ACACA: variants seen among roughly 807,000 people sequenced by gnomAD.
ACACA encodes acetyl-CoA carboxylase 1.
In ACACA, 103 loss-of-function variants were observed where a neutral mutation model predicts 296.1. The ratio of observed to expected loss-of-function variants is 0.35; its 90% CI spans 0.30 to 0.41. The LOEUF (loss-of-function observed/expected upper bound fraction) is 0.41. ACACA is among the 10% of genes least tolerant of loss of function. The pLI, the probability that ACACA is intolerant of heterozygous loss-of-function variation, is 1.00. For synonymous variants in ACACA, 953 were observed against 1,038.6 expected (o/e 0.92, Z 1.58); for missense variants, 1,554 against 2,989.7 (o/e 0.52, Z 11.20).
Position 37,229,551 on chromosome 17 carries a change from C to T in ACACA, c.3247-3099G>A, listed in dbSNP as rs190322815. Among the ~76,000 whole-genome samples the T allele has an allele frequency of 6.4e-3, 980 of 152,038 alleles. 7 individuals are homozygous for T. The highest frequency in any genetic ancestry group is 0.051 in the Middle Eastern group (15 of 294). On this transcript the variant is annotated intron_variant, in intron 25 of 55. Coordinates refer to ENST00000616317, the MANE Select transcript of ACACA (RefSeq NM_198834.3). ...ATCTCCTGACCTTGTGATCCACCCG[C>T]CTCGGCCTCCCAAAGTGCTGGGATT...
At chr17:37,091,713 A>C (rs2072646694) in intron 54 of ACACA, among the ~76,000 whole-genome samples, 1 of 151,892 alleles carries the variant, frequency 6.6e-6, no homozygotes, top group South Asian at 2.1e-4. Context: ...CTGAATAGCT[A>C]GGATTACAGG....
intron 10 of ACACA, among the ~76,000 whole-genome samples, chr17:37,269,406 T>C (rs764010421): frequency 2.0e-5 from 3 of 152,190 alleles, no homozygotes; most frequent in Non-Finnish European, 2.9e-5. Flanking sequence ...CCTAACCTAA[T>C]GAACACCATA....
chr17:37,382,589 C>T (rs903072624), intron 1 of ACACA, among the ~76,000 whole-genome samples: 8 of 152,076 alleles, frequency 5.3e-5, no homozygotes, highest in South Asian at 2.1e-4. Context: ...GCGTCAGGTG[C>T]GGTGGCTCAC....
chr17:37,378,724 A>AACTCAGAG (rs367600426), intron 1 of ACACA, among the ~76,000 whole-genome samples: 2 of 151,518 alleles, frequency 1.3e-5, no homozygotes, highest in African/African-American at 4.9e-5. Flanking sequence ...ACAAGAGCAA[A>AACTCAGAG]ACTCAGAGAT....
intron 3 of ACACA, among the ~76,000 whole-genome samples, chr17:37,304,574 A>C (rs2083779751): frequency 6.6e-6 from 1 of 152,022 alleles, no homozygotes; most frequent in Non-Finnish European, 1.5e-5. Context: ...GCGGGCAATA[A>C]CCTGAGGTCA....
chr17:37,303,086 C>T (rs184564529), intron 3 of ACACA, among the ~76,000 whole-genome samples: 160 of 152,218 alleles, frequency 1.1e-3, no homozygotes, highest in African/African-American at 3.7e-3. Context: ...ACGTGCACCA[C>T]GCATGGCAAT....
chr17:37,167,601 G>A (rs548475824), intron 41 of ACACA, among the ~76,000 whole-genome samples: 4 of 150,636 alleles, frequency 2.7e-5, no homozygotes, highest in Admixed American at 1.3e-4. Context: ...TAGCAGGCAC[G>A]AGCCACCGCG....
chr17:37,129,074 C>A (rs765193890), intron 47 of ACACA, among the ~76,000 whole-genome samples: 9 of 152,200 alleles, frequency 5.9e-5, no homozygotes, highest in Non-Finnish European at 1.0e-4. Context: ...GTCTTTGAAC[C>A]CATTAAGTAA....
chr17:37,270,459 C>G (rs890207813), intron 10 of ACACA, among the ~76,000 whole-genome samples: 2 of 152,116 alleles, frequency 1.3e-5, no homozygotes, highest in Non-Finnish European at 2.9e-5. Context: ...GTCCTATAAG[C>G]CATACGCACC....
chr17:37,222,542 C>T (rs1172518371), intron 28 of ACACA, among the ~76,000 whole-genome samples: 1 of 152,212 alleles, frequency 6.6e-6, no homozygotes, highest in Non-Finnish European at 1.5e-5. Flanking sequence ...CAACCTCACA[C>T]ATTTCACAGC....
intron 52 of ACACA, among the ~76,000 whole-genome samples, chr17:37,103,191 G>A (rs2073466855): frequency 6.6e-6 from 1 of 152,184 alleles, no homozygotes; most frequent in Admixed American, 6.5e-5. Flanking sequence ...AATGATTTAG[G>A]GGAGATTAAC....
chr17:37,092,481 AACAG>A (rs1390000984), intron 54 of ACACA, among the ~76,000 whole-genome samples: 8 of 152,218 alleles, frequency 5.3e-5, no homozygotes, highest in Middle Eastern at 3.2e-3. Context: ...ATGAATGTTC[AACAG>A]ACACTTTCTG....
intron 1 of ACACA, among the ~76,000 whole-genome samples, chr17:37,380,443 A>AG (rs745910421): frequency 5.3e-5 from 8 of 152,058 alleles, no homozygotes; most frequent in Non-Finnish European, 1.2e-4. Context: ...GAAAAAAAAA[A>AG]GAAAATGAAT....
intron 1 of ACACA, among the ~76,000 whole-genome samples, chr17:37,378,306 A>C (rs1195427577): frequency 6.6e-6 from 1 of 152,246 alleles, no homozygotes; most frequent in Non-Finnish European, 1.5e-5. Flanking sequence ...GGACTTGTCT[A>C]TTAGTACTAT....
intron 31 of ACACA, 110 bp from the exon 32 acceptor site, chr17:37,206,989 A>T: frequency 2.9e-6 from 3 of 1,024,186 alleles, no homozygotes; most frequent in Non-Finnish European, 4.5e-6. Context: ...TGGGCTCAAT[A>T]GTTAATTGAA....
intron 3 of ACACA, among the ~76,000 whole-genome samples, chr17:37,287,552 C>T (rs1341696626): frequency 5.2e-5 from 7 of 133,382 alleles, no homozygotes; most frequent in African/African-American, 1.7e-4. Flanking sequence ...GCCAACATGG[C>T]GAAACCACGT....
chr17:37,177,585 A>G (rs901648183), intron 41 of ACACA, among the ~76,000 whole-genome samples: 1 of 152,204 alleles, frequency 6.6e-6, no homozygotes, highest in Non-Finnish European at 1.5e-5. Context: ...TACATTAGTT[A>G]AAACCATTTT....
At chr17:37,207,605 A>G in intron 31 of ACACA, 52 bp downstream of exon 31, 1 of 1,609,040 alleles carries the variant, frequency 6.2e-7, no homozygotes, top group Non-Finnish European at 8.5e-7. Context: ...AGACCCCAAA[A>G]CACAGATGTC....
rs377287082 is a variant in ACACA at position 37,391,694 on chromosome 17, G to C, written c.38+14568C>G. The C allele has an allele frequency of 1.9e-6, 3 of 1,613,754 alleles. No individual in the cohort carries two copies. In the African/African-American group the frequency reaches 4.0e-5, roughly 22 times the overall value. On this transcript the variant is annotated intron_variant, in intron 1 of 55. Coordinates refer to ENST00000616317, the MANE Select transcript of ACACA (RefSeq NM_198834.3). ...CATCAAACCCAAAGAAAGCTGCAGA[G>C]ATCACTGTTATCCACCAGACATACT...
Sources: gnomAD v4.1 joint callset for allele counts (sites outside exome capture counted in the v4.1 genomes callset) on GRCh38, gnomAD v4.1.1 for gene constraint, MANE v1.5 for transcripts, NCBI Gene and HGNC (gene_info 2026-07-23, HGNC 2026-07-21) for gene names.